LY86: variants seen among roughly 807,000 people sequenced by gnomAD.
LY86 encodes MD-1, RP105-associated.
In LY86, 20 loss-of-function variants were observed where a neutral mutation model predicts 17.3. That is an observed-to-expected ratio of 1.15 (90% CI 0.81 to 1.68). The LOEUF is 1.68. Ranked by LOEUF, LY86 falls within the 40% of genes most tolerant of loss-of-function variation. The pLI is 0.00. For missense variants in LY86, 200 were observed against 191.9 expected, an observed-to-expected ratio of 1.04 and a Z score of -0.25; for synonymous variants, 74 against 70.6, an observed-to-expected ratio of 1.05 and a Z score of -0.24.
At chr6:6,627,940 A>G (rs922974441) in intron 3 of LY86, among the ~76,000 whole-genome samples, 6 of 152,190 alleles carry the variant, frequency 3.9e-5, no homozygotes, top group African/African-American at 1.4e-4. Flanking sequence ...ACAATACAAC[A>G]AATGAGTGTG....
rs114859982 is a variant in LY86, at chr6:6,629,220, T to C, written c.352+2799T>C. 5.5e-3 allele frequency among the ~76,000 whole-genome samples: 841 copies of C among 152,318 alleles called. 6 individuals carry two copies. The highest frequency in any genetic ancestry group is 0.019 in the African/African-American group (791 of 41,562). On this transcript the variant is annotated intron_variant, in intron 3 of 4. Coordinates refer to ENST00000230568, the MANE Select transcript of LY86 (RefSeq NM_004271.4). ...ACTTCATATAGTGTAAAATATCATA[T>C]AGTGTAAAATGATCAGAAAAGTGAT...
intron 3 of LY86, among the ~76,000 whole-genome samples, chr6:6,645,477 A>G (rs918183218): frequency 1.3e-5 from 2 of 151,956 alleles, no homozygotes; most frequent in African/African-American, 2.4e-5. Flanking sequence ...GCCCAACATC[A>G]CTTAGCTAGT....
chr6:6,589,461 C>A (rs7751227), intron 1 of LY86, among the ~76,000 whole-genome samples: 1,553 of 152,320 alleles, frequency 0.01, 23 homozygotes, highest in African/African-American at 0.034. Context: ...AGGCCTGTCA[C>A]CCCAGCGGGC....
At position 6,626,378 on chromosome 6, in the gene LY86, G is replaced by A; in HGVS notation, c.309G>A (p.Glu103=). The part of the protein sequence containing the change: ...SVLNFSYPIC[E]AALPKFSFCG... ...TGAATTTCTCCTATCCCATCTGTGAGGCGGCTCTGCCCAAGTTTTCTTTCT... is the reference window on the plus strand; with the variant it reads ...TGAATTTCTCCTATCCCATCTGTGAAGCGGCTCTGCCCAAGTTTTCTTTCT... Residue 103 remains glutamate, a synonymous_variant, in exon 3 of 5, where the codon GAG becomes GAA. Transcript: ENST00000230568. The A allele has an allele frequency of 6.2e-7, 1 of 1,613,996 alleles. No individual in the cohort carries two copies. Among genetic ancestry groups the A allele is most frequent in the Non-Finnish European group, 8.5e-7 (1 of 1,179,998 alleles).
chr6:6,604,954 AG>A (rs1761052516), intron 1 of LY86, among the ~76,000 whole-genome samples: 1 of 152,188 alleles, frequency 6.6e-6, no homozygotes, highest in South Asian at 2.1e-4. Flanking sequence ...CGTAGAACCT[AG>A]AATTCTATAT....
intron 1 of LY86, among the ~76,000 whole-genome samples, chr6:6,601,867 C>G (rs1760923261): frequency 6.6e-6 from 1 of 152,156 alleles, no homozygotes; most frequent in African/African-American, 2.4e-5. Context: ...CCTCATTTTT[C>G]AAAAGAAGCT....
rs547298713 is a variant in LY86 at position 6,612,552 on chromosome 6, A to C, written c.137-12374A>C. On this transcript the variant is annotated intron_variant, in intron 1 of 4. Coordinates refer to ENST00000230568, the MANE Select transcript of LY86 (RefSeq NM_004271.4). ...ACCAACCACACAAAAGCAACGAAAC[A>C]ACCAGTTGTCACTAGTGGAGCCTGC... Among the ~76,000 whole-genome samples the C allele has an allele frequency of 2.6e-5, 4 of 152,316 alleles. No individual in the cohort carries two copies. The East Asian group carries it at 7.7e-4, about 29-fold the overall frequency.
At chr6:6,653,946 C>T (rs1762223187) in intron 4 of LY86, among the ~76,000 whole-genome samples, 1 of 152,228 alleles carries the variant, frequency 6.6e-6, no homozygotes, top group Non-Finnish European at 1.5e-5. Flanking sequence ...AGTGAGGCAG[C>T]CAGAGGGATC....
chr6:6,611,989 C>CTGAGTACTTAACACTA (rs1554124556), intron 1 of LY86, among the ~76,000 whole-genome samples: 4 of 72,110 alleles, frequency 5.5e-5, no homozygotes, highest in Non-Finnish European at 7.6e-5. Flanking sequence ...ACCCCCTTAA[C>CTGAGTACTTAACACTA]TGAGTACTGA....
At chr6:6,618,374 G>T (rs1007042769) in intron 1 of LY86, among the ~76,000 whole-genome samples, 1 of 152,002 alleles carries the variant, frequency 6.6e-6, no homozygotes, top group Non-Finnish European at 1.5e-5. Context: ...GGCCAGAGGG[G>T]CCATGCAAGA....
At chr6:6,603,615 C>CAAAAAA (rs1221531073) in intron 1 of LY86, among the ~76,000 whole-genome samples, 16 of 114,166 alleles carry the variant, frequency 1.4e-4, no homozygotes, top group East Asian at 5.0e-4. Flanking sequence ...GAAAAAAAAA[C>CAAAAAA]AAACAAAAAA....
chr6:6,612,391 C>G (rs1028290651), intron 1 of LY86, among the ~76,000 whole-genome samples: 1 of 152,170 alleles, frequency 6.6e-6, no homozygotes, highest in Non-Finnish European at 1.5e-5. Context: ...ATTTATTTTC[C>G]CCCAGTGGGT....
At chr6:6,652,021 A>C (rs952354369) in intron 4 of LY86, among the ~76,000 whole-genome samples, 1 of 128,462 alleles carries the variant, frequency 7.8e-6, no homozygotes, top group African/African-American at 3.0e-5. Flanking sequence ...ACACCACTGC[A>C]CTCCAGCCTG....
At chr6:6,642,406 C>CT (rs1172734406) in intron 3 of LY86, among the ~76,000 whole-genome samples, 3 of 152,174 alleles carry the variant, frequency 2.0e-5, no homozygotes, top group Non-Finnish European at 4.4e-5. Flanking sequence ...GGCCCGGGAG[C>CT]TTGAGGAGAT....
chr6:6,611,641 G>A (rs918962064), intron 1 of LY86, among the ~76,000 whole-genome samples: 4 of 152,226 alleles, frequency 2.6e-5, no homozygotes, highest in Middle Eastern at 3.2e-3. Flanking sequence ...CACCCACACT[G>A]GTGCCTCCCT....
chr6:6,601,158 G>A (rs1434825253), intron 1 of LY86, among the ~76,000 whole-genome samples: 2 of 151,870 alleles, frequency 1.3e-5, no homozygotes, highest in Non-Finnish European at 2.9e-5. Context: ...ACAATGAACA[G>A]GAGACTCTTA....
chr6:6,628,324 C>T (rs1336975884), intron 3 of LY86, among the ~76,000 whole-genome samples: 1 of 141,754 alleles, frequency 7.1e-6, no homozygotes, highest in Non-Finnish European at 1.5e-5. Flanking sequence ...CCTTCTCTCC[C>T]CCATCCCTCC....
At chr6:6,595,527 CCCCAG>C (rs1221807769) in intron 1 of LY86, among the ~76,000 whole-genome samples, 1 of 150,306 alleles carries the variant, frequency 6.7e-6, no homozygotes, top group Non-Finnish European at 1.5e-5. Context: ...CCCCACCCCA[CCCCAG>C]CCCCATCCTC....
intron 1 of LY86, among the ~76,000 whole-genome samples, chr6:6,612,554 C>G (rs755298608): frequency 5.3e-5 from 8 of 152,164 alleles, no homozygotes; most frequent in African/African-American, 1.7e-4. Flanking sequence ...AACGAAACAA[C>G]CAGTTGTCAC....
Sources: gnomAD v4.1 joint callset for allele counts (sites outside exome capture counted in the v4.1 genomes callset) on GRCh38, gnomAD v4.1.1 for gene constraint, MANE v1.5 for transcripts, NCBI Gene and HGNC (gene_info 2026-07-23, HGNC 2026-07-21) for gene names.